Variants in CNTNAP2 observed in about 807,000 individuals in gnomAD.
The protein encoded by CNTNAP2 is contactin-associated protein-like 2.
CNTNAP2 carries 98 observed loss-of-function variants against 155.2 expected under a neutral mutation model. The observed-to-expected ratio is 0.63, with a 90% CI of 0.54 to 0.75. The LOEUF is 0.75. Among genes scored for constraint, CNTNAP2 ranks in the 30% least tolerant of loss-of-function variants. The pLI is 0.00. For synonymous variants in CNTNAP2, 651 were observed against 631.2 expected (o/e 1.03, Z -0.47); for missense variants, 1,727 against 1,688.1 (o/e 1.02, Z -0.40).
intron 21 of CNTNAP2, among the ~76,000 whole-genome samples, chr7:148,307,792 A>G (rs1001437121): frequency 2.0e-5 from 3 of 151,722 alleles, no homozygotes; most frequent in Non-Finnish European, 2.9e-5. Context: ...ACATGACAAA[A>G]CCCACCCATC....
chr7:146,633,832 G>GAAAAAAAAAAAAAAAAAAAAAAAAA (rs60993956), intron 1 of CNTNAP2, among the ~76,000 whole-genome samples: 3 of 79,048 alleles, frequency 3.8e-5, no homozygotes, highest in African/African-American at 6.0e-5. Context: ...TGCATCTAGA[G>GAAAAAAAAAAAAAAAAAAAAAAAAA]AAAAAAAAAA....
At chr7:147,121,798 A>G (rs1801118518) in intron 6 of CNTNAP2, 1 of 152,270 alleles carries the variant, frequency 6.6e-6, no homozygotes, top group Non-Finnish European at 1.5e-5. Flanking sequence ...AAAAGTAGGT[A>G]TATCATATTT....
chr7:146,852,625 C>A (rs1381369354), intron 3 of CNTNAP2, among the ~76,000 whole-genome samples: 1 of 152,106 alleles, frequency 6.6e-6, no homozygotes, highest in African/African-American at 2.4e-5. Context: ...AACTGGATTC[C>A]AGCAAACATG....
At chr7:148,256,643 G>T (rs1796459227) in intron 20 of CNTNAP2, among the ~76,000 whole-genome samples, 1 of 152,132 alleles carries the variant, frequency 6.6e-6, no homozygotes, top group African/African-American at 2.4e-5. Context: ...TCACAGTCAG[G>T]TGATTCGGGT....
intron 8 of CNTNAP2, among the ~76,000 whole-genome samples, chr7:147,235,190 T>C (rs1263493461): frequency 1.3e-5 from 2 of 152,144 alleles, no homozygotes; most frequent in African/African-American, 4.8e-5. Context: ...ACATTGTTTT[T>C]TTTTCCTGTC....
At chr7:147,773,485 AAAAACAAAAC>A (rs765932537) in intron 13 of CNTNAP2, among the ~76,000 whole-genome samples, 1 of 152,158 alleles carries the variant, frequency 6.6e-6, no homozygotes, top group Non-Finnish European at 1.5e-5. Context: ...AAACAAAAAC[AAAAACAAAAC>A]AAAACAAAAC....
chr7:146,799,473 C>T (rs184189264), intron 2 of CNTNAP2, among the ~76,000 whole-genome samples: 6 of 152,282 alleles, frequency 3.9e-5, no homozygotes, highest in African/African-American at 1.2e-4. Flanking sequence ...TCTGCAGTTT[C>T]TTTATGCACA....
At chr7:146,931,223 T>G (rs1293993773) in intron 3 of CNTNAP2, among the ~76,000 whole-genome samples, 2 of 151,828 alleles carry the variant, frequency 1.3e-5, no homozygotes, top group Non-Finnish European at 2.9e-5. Context: ...GAACAGAAAT[T>G]ATAACAAACT....
In CNTNAP2 at chr7:147,224,625, A is replaced by T. The variant is rs185875531; in HGVS notation, c.1349-75516A>T. 2.7e-3 allele frequency among the ~76,000 whole-genome samples: 407 copies of T among 152,288 alleles called. 1 individual carries two copies. The highest frequency in any genetic ancestry group is 9.2e-3 in the African/African-American group (381 of 41,556). On this transcript the variant is annotated intron_variant, in intron 8 of 23. Transcript: ENST00000361727. ...TAAGAAACCTTTAGTTAGAATTTTTAAATTAGAAATAATTTCTTTCATAGT... is the reference window on the plus strand; with the variant it reads ...TAAGAAACCTTTAGTTAGAATTTTTTAATTAGAAATAATTTCTTTCATAGT...
intron 8 of CNTNAP2, chr7:147,167,211 C>T (rs1311248727): frequency 2.2e-5 from 7 of 323,924 alleles, no homozygotes; most frequent in Non-Finnish European, 3.9e-5. Flanking sequence ...ATGTTCTTTG[C>T]CAGGATTCCC....
intron 9 of CNTNAP2, among the ~76,000 whole-genome samples, chr7:147,357,382 G>A (rs923159588): frequency 6.6e-6 from 1 of 152,004 alleles, no homozygotes; most frequent in African/African-American, 2.4e-5. Flanking sequence ...TGTGGAGCTC[G>A]GCTTCAGGAA....
At chr7:147,823,157 C>G (rs1183403801) in intron 13 of CNTNAP2, among the ~76,000 whole-genome samples, 2 of 152,162 alleles carry the variant, frequency 1.3e-5, no homozygotes, top group African/African-American at 2.4e-5. Flanking sequence ...CTTGCTTTTC[C>G]CTTCTACCTT....
intron 1 of CNTNAP2, among the ~76,000 whole-genome samples, chr7:146,680,613 TCAAACCC>T (rs1800484988): frequency 6.6e-6 from 1 of 152,206 alleles, no homozygotes; most frequent in East Asian, 1.9e-4. Flanking sequence ...TACAAACCAT[TCAAACCC>T]TCTGTCATAT....
Position 148,217,364 on chromosome 7 carries a change from C to G in CNTNAP2, c.3087C>G (p.Ser1029=), listed in dbSNP as rs1447501564. Residue 1029 remains serine, a synonymous_variant, in exon 19 of 24, where the codon TCC becomes TCG. Transcript: ENST00000361727. ...FQAPATNARD[S]SSRVDNAPDQ... Reference sequence around the variant, plus strand: ...CACCAGCAACAAATGCCAGAGACTCCAGCAGCAGAGTAGACAACGCTCCCG... The same window carrying G: ...CACCAGCAACAAATGCCAGAGACTCGAGCAGCAGAGTAGACAACGCTCCCG... The G allele has an allele frequency of 1.2e-6, 2 of 1,614,122 alleles. No homozygotes were observed. The highest frequency in any genetic ancestry group is 1.7e-6 in the Non-Finnish European group (2 of 1,180,016).
At chr7:146,527,290 G>A (rs972639402) in intron 1 of CNTNAP2, among the ~76,000 whole-genome samples, 1 of 152,156 alleles carries the variant, frequency 6.6e-6, no homozygotes, top group South Asian at 2.1e-4. Flanking sequence ...TAAGTATTCA[G>A]TAGTCACCTA....
At chr7:147,978,083 C>A in intron 15 of CNTNAP2, 94 bp downstream of exon 15, 1 of 1,479,988 alleles carries the variant, frequency 6.8e-7, no homozygotes, top group East Asian at 2.4e-5. Context: ...CAGACTTGCT[C>A]TCCTGTAGCT....
rs571182046 is a variant in CNTNAP2, at chr7:147,153,093, T to TA, written c.1348+20594dup. Among the ~76,000 whole-genome samples the TA allele has an allele frequency of 4.6e-3, 693 of 149,874 alleles. 6 individuals are homozygous for TA. Among genetic ancestry groups the TA allele is most frequent in the African/African-American group, 0.015 (634 of 40,940 alleles). On this transcript the variant is annotated intron_variant, in intron 8 of 23. Coordinates refer to ENST00000361727, the MANE Select transcript of CNTNAP2 (RefSeq NM_014141.6). Reference sequence around the variant, plus strand: ...ATAGGTATGCTACCGTCTCCTCTGTTAAAAAAAAAATTAGGACATCATTTG... The same window carrying TA: ...ATAGGTATGCTACCGTCTCCTCTGTTAAAAAAAAAAATTAGGACATCATTTG...
At chr7:147,464,464 C>CT (rs1554487985) in intron 10 of CNTNAP2, among the ~76,000 whole-genome samples, 1 of 79,218 alleles carries the variant, frequency 1.3e-5, no homozygotes, top group Non-Finnish European at 2.4e-5. Flanking sequence ...GAGACTCCAT[C>CT]TAAAAAAAAA....
Position 146,708,378 on chromosome 7 carries a change from C to A in CNTNAP2, c.98-65893C>A, listed in dbSNP as rs79352519. 5.3e-3 allele frequency among the ~76,000 whole-genome samples: 807 copies of A among 151,818 alleles called. 5 individuals carry two copies. The highest frequency in any genetic ancestry group is 0.018 in the African/African-American group (756 of 41,448). On this transcript the variant is annotated intron_variant, in intron 1 of 23. Transcript: ENST00000361727. ...GTAACCACTTGTTAGAAATTTCTTT[C>A]TTTTTGTTGGCATTTTTTTGTGGTT...
Sources: allele counts gnomAD v4.1 joint callset (sites outside exome capture counted in the v4.1 genomes callset), GRCh38; gene constraint gnomAD v4.1.1; transcripts MANE v1.5; gene names NCBI Gene and HGNC (gene_info 2026-07-23, HGNC 2026-07-21).